Variants in ARVCF observed in about 807,000 individuals in gnomAD.
The protein encoded by ARVCF is splicing regulator ARVCF.
In ARVCF, 66 loss-of-function variants were observed where a neutral mutation model predicts 90.9. That is an observed-to-expected ratio of 0.73 (90% CI 0.60 to 0.89). The LOEUF is 0.89. Ranked by LOEUF, ARVCF falls within the 40% of genes least tolerant of loss-of-function variation. The probability of loss-of-function intolerance (pLI) is 0.00; values close to 1 mark genes in which losing one functional copy is unlikely to be tolerated. For synonymous variants in ARVCF, 653 were observed against 603.4 expected, an observed-to-expected ratio of 1.08 and a Z score of -1.21; for missense variants, 1,469 against 1,382.3, an observed-to-expected ratio of 1.06 and a Z score of -1.00.
At chr22:19,975,798 T>C in intron 10 of ARVCF, 41 bp from the exon 11 acceptor site, 1 of 1,600,816 alleles carries the variant, frequency 6.2e-7, no homozygotes, top group Non-Finnish European at 8.6e-7. Flanking sequence ...AGACCCCATA[T>C]GGGGAATGGG....
rs1279627231 is a variant in ARVCF, at chr22:19,990,691, C to T, written c.104G>A (p.Arg35His). ...RLTRALEQER[R>H]HVALQLERAQ... ...ACGCTCCAGCTGTAGGGCAACATGGCGCCGCTCCTGCTCCAGTGCCCGTGT... is the reference window on the plus strand; with the variant it reads ...ACGCTCCAGCTGTAGGGCAACATGGTGCCGCTCCTGCTCCAGTGCCCGTGT... Residue 35 changes from arginine to histidine, a missense_variant, in exon 3 of 20, where the codon CGC (arginine) becomes CAC (histidine). Transcript: ENST00000263207. 5 of 1,602,190 alleles carry T rather than the reference C, an allele frequency of 3.1e-6. No homozygotes were observed. Among genetic ancestry groups the T allele is most frequent in the East Asian group, 2.2e-5 (1 of 44,486 alleles).
At chr22:19,968,523 G>A (rs760438359), downstream of ARVCF, 21 of 1,612,000 alleles carry the variant, frequency 1.3e-5, no homozygotes, top group Middle Eastern at 3.3e-4. Flanking sequence ...CCCACCCCCC[G>A]GTCTGTTTGC....
rs888118041 is a variant in ARVCF, at chr22:19,979,903, C to T, written c.1236G>A (p.Pro412=). ...LPLLVALLDH[P]RAEVRRRACG... is the part of the protein sequence containing the mutation. ...AGGCCCGGCGCCGCACCTCAGCCCG[C>T]GGGTGGTCCAGCAGTGCCACAAGCA... Residue 412 remains proline (P), a synonymous_variant, in exon 6 of 20, where the codon CCG becomes CCA. Transcript: ENST00000263207. The T allele has an allele frequency of 4.4e-6, 7 of 1,600,580 alleles. No homozygotes were observed. Among genetic ancestry groups the T allele is most frequent in the East Asian group, 4.5e-5 (2 of 44,262 alleles).
intron 5 of ARVCF, 171 bp from the exon 6 acceptor site, chr22:19,980,413 C>T: frequency 9.7e-7 from 1 of 1,035,356 alleles, no homozygotes; most frequent in South Asian, 2.5e-5. Flanking sequence ...CATGCACCAG[C>T]CCAGTGAGAA....
intron 5 of ARVCF, 94 bp downstream of exon 5, chr22:19,981,117 A>G (rs1569163736): frequency 7.8e-6 from 11 of 1,412,990 alleles, no homozygotes; most frequent in Non-Finnish European, 7.5e-6. Flanking sequence ...GACTAACTCA[A>G]CTGCGCCACT....
chr22:19,991,299 G>A (rs909476715), intron 2 of ARVCF, among the ~76,000 whole-genome samples: 2 of 152,248 alleles, frequency 1.3e-5, no homozygotes, highest in Admixed American at 1.3e-4. Context: ...CAAGCAGGGA[G>A]TGAGAAGCTG....
chr22:19,976,819 C>G, intron 9 of ARVCF, 96 bp from the exon 10 acceptor site: 1 of 1,381,790 alleles, frequency 7.2e-7, no homozygotes, highest in Non-Finnish European at 1.0e-6. Context: ...CAGGTTCCCA[C>G]TGCACACCCT....
At chr22:20,016,285 T>G (rs1268745180) in intron 1 of ARVCF, among the ~76,000 whole-genome samples, 1 of 151,764 alleles carries the variant, frequency 6.6e-6, no homozygotes, top group Non-Finnish European at 1.5e-5. Context: ...CGCGCTCGGC[T>G]GGAGTGCTCA....
At chr22:19,993,189 T>C (rs959947005) in intron 2 of ARVCF, among the ~76,000 whole-genome samples, 7 of 151,856 alleles carry the variant, frequency 4.6e-5, no homozygotes, top group African/African-American at 1.7e-4. Flanking sequence ...GGCCTCGGCA[T>C]CTCAGGTGTC....
chr22:19,975,840 T>C, intron 10 of ARVCF, 83 bp from the exon 11 acceptor site: 5 of 1,460,218 alleles, frequency 3.4e-6, no homozygotes, highest in Non-Finnish European at 4.8e-6. Flanking sequence ...AGTTCTCTCC[T>C]ACCCAGGCCC....
At position 19,980,005 on chromosome 22, in the gene ARVCF, C is replaced by T. The variant is rs373708545; in HGVS notation, c.1134G>A (p.Ala378=). ...RHPVDPVKAN[A]AAYLQHLCFE... ...AGCACAGATGCTGCAGGTAGGCGGC[C>T]GCATTGGCCTTCACGGGGTCCACGG... The change falls in exon 6 of 20, where the codon GCG becomes GCA. Residue 378 remains alanine, a synonymous_variant. Transcript: ENST00000263207. 3.6e-5 allele frequency: 57 copies of T among 1,595,000 alleles called. No homozygotes were observed. Among genetic ancestry groups the T allele is most frequent in the Admixed American group, 2.3e-4 (13 of 57,460 alleles).
At chr22:20,014,032 C>G (rs1473873153) in intron 1 of ARVCF, among the ~76,000 whole-genome samples, 1 of 151,706 alleles carries the variant, frequency 6.6e-6, no homozygotes, top group Non-Finnish European at 1.5e-5. Flanking sequence ...GCCACCAGGT[C>G]CAGCTAATTT....
At chr22:20,012,087 C>CA (rs201606242) in intron 1 of ARVCF, among the ~76,000 whole-genome samples, 27 of 143,498 alleles carry the variant, frequency 1.9e-4, no homozygotes, top group South Asian at 7.3e-4. Flanking sequence ...AGTCCCCCCC[C>CA]CCCACCCAGT....
intron 2 of ARVCF, among the ~76,000 whole-genome samples, chr22:19,998,559 G>T (rs1944336656): frequency 6.6e-6 from 1 of 152,232 alleles, no homozygotes; most frequent in African/African-American, 2.4e-5. Flanking sequence ...CAGGAGGCCA[G>T]GCTGAGGCTG....
At chr22:19,985,082 G>A (rs1460963662) in intron 3 of ARVCF, among the ~76,000 whole-genome samples, 1 of 152,144 alleles carries the variant, frequency 6.6e-6, no homozygotes, top group Non-Finnish European at 1.5e-5. Flanking sequence ...TGGCCCTGCA[G>A]CCCCACACAG....
intron 2 of ARVCF, among the ~76,000 whole-genome samples, chr22:20,005,794 T>TAAAAA (rs80188534): frequency 8.6e-6 from 1 of 115,610 alleles, no homozygotes. Flanking sequence ...AGACTCCGTC[T>TAAAAA]AAAAAAAAAA....
intron 8 of ARVCF, 121 bp from the exon 9 acceptor site, chr22:19,977,707 G>C (rs2146283361): frequency 7.4e-7 from 1 of 1,347,188 alleles, no homozygotes; most frequent in Non-Finnish European, 9.9e-7. Context: ...GGAGTCCTCA[G>C]TGGAGGGGAG....
chr22:20,000,693 T>C (rs1206541753), intron 2 of ARVCF, among the ~76,000 whole-genome samples: 3 of 152,192 alleles, frequency 2.0e-5, no homozygotes, highest in African/African-American at 7.2e-5. Context: ...TAATCTCCAA[T>C]GTGACAGTAT....
In ARVCF at chr22:19,970,696, C is replaced by G. The variant is rs761074222; in HGVS notation, c.*60G>C. The G allele has an allele frequency of 2.3e-6, 3 of 1,289,310 alleles. No individual in the cohort carries two copies. The African/African-American group carries it at 4.6e-5, about 20-fold the overall frequency. 79.9% of individuals were successfully genotyped at this position (1,289,310 alleles called of 1,614,324 possible). On this transcript the variant is annotated 3_prime_UTR_variant, in exon 20 of 20. Transcript: ENST00000263207. ...CACGGCACGATCTGCTCAGGGTGGC[C>G]CTTCTTCCACGATCCAAGCCCTAAG...
Sources: gnomAD v4.1 joint callset for allele counts (sites outside exome capture counted in the v4.1 genomes callset) on GRCh38, gnomAD v4.1.1 for gene constraint, MANE v1.5 for transcripts, NCBI Gene and HGNC (gene_info 2026-07-23, HGNC 2026-07-21) for gene names.